ARID1B: variants seen among roughly 807,000 people sequenced by gnomAD.
ARID1B encodes AT-rich interaction domain 1B, also known as AT-rich interactive domain-containing protein 1B.
In ARID1B, 30 loss-of-function variants were observed where a neutral mutation model predicts 212.3. That is an observed-to-expected ratio of 0.14 (90% CI 0.11 to 0.19). The LOEUF is 0.19. ARID1B is among the 10% of genes least tolerant of loss of function. The pLI, the probability that ARID1B is intolerant of heterozygous loss-of-function variation, is 1.00. For synonymous variants in ARID1B, 1,402 were observed against 1,301.7 expected (o/e 1.08, Z -1.66); for missense variants, 2,891 against 3,204.0 (o/e 0.90, Z 2.36).
intron 8 of ARID1B, chr6:157,150,035 C>T (rs778850678): frequency 6.6e-6 from 1 of 152,214 alleles, no homozygotes; most frequent in Non-Finnish European, 1.5e-5. Flanking sequence ...GTCTAGCCCT[C>T]TGCCGAACCT....
In ARID1B at chr6:157,190,471, C is replaced by T. The variant is rs555998344; in HGVS notation, c.4231+261C>T. Among the ~76,000 whole-genome samples the T allele has an allele frequency of 1.6e-4, 24 of 152,364 alleles. No individual in the cohort carries two copies. The highest frequency in any genetic ancestry group is 5.8e-4 in the African/African-American group (24 of 41,580). On this transcript the variant is annotated intron_variant, in intron 15 of 19. Coordinates refer to ENST00000636930, the MANE Select transcript of ARID1B (RefSeq NM_001374828.1). This position sits in a 1 kb window ranked among gnomAD's most constrained non-coding sequence, Gnocchi z 4.6. ...CCTGTTTCCGGATACCTGCCACCTC[C>T]TTACACGTGCCAAGTTACGTTCCTC...
At chr6:157,145,832 G>A (rs6557534) in intron 7 of ARID1B, among the ~76,000 whole-genome samples, 26,838 of 152,046 alleles carry the variant, frequency 0.18, 4,943 homozygotes, top group African/African-American at 0.47. Flanking sequence ...TAGGCTCCTC[G>A]TCTTCAGCAT....
chr6:157,102,644 GCT>G (rs980882730), intron 5 of ARID1B, among the ~76,000 whole-genome samples: 1 of 113,702 alleles, frequency 8.8e-6, no homozygotes, highest in African/African-American at 3.4e-5. Flanking sequence ...ACGGAGTCTT[GCT>G]CTGTCACCCA....
intron 4 of ARID1B, among the ~76,000 whole-genome samples, chr6:157,007,446 C>T (rs9397316): frequency 0.61 from 92,116 of 152,096 alleles, 29,097 homozygotes; most frequent in African/African-American, 0.79. Flanking sequence ...CTCTAAAGCT[C>T]TTCTTTAAAT....
rs1237692459 is a variant in ARID1B, at chr6:157,039,729, TTCCC to T, written c.2248-44919_2248-44916del. ...TCCTTTCTTTCCTTCCTTTCTTTCT[TTCCC>T]TCCCTCCCTCCCTTCCTTCCTTCCT... On this transcript the variant is annotated intron_variant, in intron 4 of 19. Transcript: ENST00000636930. Among the ~76,000 whole-genome samples, 21 of 68,066 alleles carry T rather than the reference TTCCC, an allele frequency of 3.1e-4. 1 individual carries two copies. The highest frequency in any genetic ancestry group is 5.2e-4 in the Non-Finnish European group (18 of 34,672). The allele number at this position is 68,066 out of a possible 152,430, so 44.7% of individuals were successfully genotyped here. A position where few individuals can be genotyped will look rare whatever the true frequency, so the allele number is the denominator to read the frequency against.
intron 3 of ARID1B, among the ~76,000 whole-genome samples, chr6:156,926,301 G>T (rs1362225717): frequency 6.6e-6 from 1 of 152,158 alleles, no homozygotes; most frequent in East Asian, 1.9e-4. Context: ...GAGGGGTTTT[G>T]TTTTGTTTTG....
intron 8 of ARID1B, among the ~76,000 whole-genome samples, chr6:157,155,378 G>A (rs1478181061): frequency 6.6e-6 from 1 of 152,028 alleles, no homozygotes; most frequent in Non-Finnish European, 1.5e-5. Context: ...ACACCTACAT[G>A]ATGCTGGTAT....
chr6:156,884,850 A>T (rs1420783856), intron 2 of ARID1B, among the ~76,000 whole-genome samples: 1 of 152,204 alleles, frequency 6.6e-6, no homozygotes, highest in Admixed American at 6.5e-5. Context: ...AGAAAATATT[A>T]TCATTTCCCC....
chr6:157,196,458 G>C, intron 16 of ARID1B, 143 bp downstream of exon 16: 1 of 1,089,378 alleles, frequency 9.2e-7, no homozygotes, highest in Non-Finnish European at 1.3e-6. Context: ...GGCAATGGCT[G>C]CTGGTCACCA....
intron 1 of ARID1B, among the ~76,000 whole-genome samples, chr6:156,815,280 TGA>T (rs770949381): frequency 1.6e-4 from 24 of 152,182 alleles, no homozygotes; most frequent in Admixed American, 4.6e-4. Context: ...TTTCTACTGT[TGA>T]GTTTGTCCAT....
At chr6:157,019,454 C>CTA (rs2128469840) in intron 4 of ARID1B, among the ~76,000 whole-genome samples, 1 of 152,330 alleles carries the variant, frequency 6.6e-6, no homozygotes, top group African/African-American at 2.4e-5. Context: ...AGAAACTTGT[C>CTA]TAACTTCTCC....
intron 1 of ARID1B, among the ~76,000 whole-genome samples, chr6:156,800,553 C>T (rs1001968577): frequency 6.6e-6 from 1 of 151,962 alleles, no homozygotes; most frequent in Non-Finnish European, 1.5e-5. Context: ...TGTACCACCG[C>T]ACTTCAACCT....
At chr6:156,798,374 G>A (rs9397969) in intron 1 of ARID1B, among the ~76,000 whole-genome samples, 36,673 of 152,172 alleles carry the variant, frequency 0.24, 4,611 homozygotes, top group Non-Finnish European at 0.28. Context: ...TGGTGGTGGT[G>A]ATAGAGTTCC....
At chr6:157,031,132 A>G (rs186703435) in intron 4 of ARID1B, among the ~76,000 whole-genome samples, 1 of 152,276 alleles carries the variant, frequency 6.6e-6, no homozygotes, top group East Asian at 1.9e-4. Context: ...ATAATAATAA[A>G]GAAAAACACG....
intron 19 of ARID1B, chr6:157,204,451 A>G (rs2128386615): frequency 6.4e-6 from 1 of 156,862 alleles, no homozygotes; most frequent in South Asian, 1.9e-4. Flanking sequence ...GAAATTTTAT[A>G]TTCTATACAT....
rs147369830 is a variant in ARID1B at position 157,135,270 on chromosome 6, G to A, written c.2761+2063G>A. 3.7e-3 allele frequency among the ~76,000 whole-genome samples: 563 copies of A among 152,102 alleles called. 8 individuals carry two copies. The highest frequency in any genetic ancestry group is 0.013 in the African/African-American group (534 of 41,494). On this transcript the variant is annotated intron_variant, in intron 7 of 19. Transcript: ENST00000636930. ...GAGAAAATGAGATTATATTATGTTG[G>A]CATTTGCTTCCACTTCTAATGTTCT...
chr6:156,931,129 G>C (rs1338456936), intron 3 of ARID1B, among the ~76,000 whole-genome samples: 2 of 145,080 alleles, frequency 1.4e-5, no homozygotes, highest in South Asian at 4.3e-4. Context: ...GGCAGTGCTT[G>C]CAGGGAGCCG....
At chr6:156,796,971 G>T (rs1413486711) in intron 1 of ARID1B, among the ~76,000 whole-genome samples, 1 of 141,154 alleles carries the variant, frequency 7.1e-6, no homozygotes, top group African/African-American at 2.5e-5. Flanking sequence ...CATTTGGAGG[G>T]ATGCCTTCCA....
At chr6:157,056,612 G>T (rs981776727) in intron 4 of ARID1B, among the ~76,000 whole-genome samples, 1 of 152,124 alleles carries the variant, frequency 6.6e-6, no homozygotes, top group African/African-American at 2.4e-5. Flanking sequence ...GTTATGTTTG[G>T]TTATGATCTC....
Sources: gnomAD v4.1 joint callset for allele counts (sites outside exome capture counted in the v4.1 genomes callset) on GRCh38, gnomAD v4.1.1 for gene constraint, Gnocchi (gnomAD v3.1) non-coding constraint, MANE v1.5 for transcripts, NCBI Gene and HGNC (gene_info 2026-07-23, HGNC 2026-07-21) for gene names.